The following ZNF705A variants were observed in gnomAD, a reference collection of about 807,000 sequenced individuals.
ZNF705A encodes the protein zinc finger protein 705A.
A neutral mutation model predicts 16.6 loss-of-function variants in ZNF705A; 8 were observed. The observed-to-expected ratio is 0.48, with a 90% CI of 0.28 to 0.87. ZNF705A has a LOEUF of 0.87. ZNF705A is among the 40% of genes least tolerant of loss of function. The probability of loss-of-function intolerance (pLI) is 0.10; values close to 1 mark genes in which losing one functional copy is unlikely to be tolerated. For synonymous variants in ZNF705A, 73 were observed against 117.3 expected (o/e 0.62, Z 2.44); for missense variants, 233 against 359.9 (o/e 0.65, Z 2.85).
At chr12:8,167,337 G>T (rs1948407704) in intron 1 of ZNF705A, among the ~76,000 whole-genome samples, 1 of 152,136 alleles carries the variant, frequency 6.6e-6, no homozygotes, top group South Asian at 2.1e-4. Context: ...TTGTGTGAGG[G>T]TTTTTAGTAG....
intron 1 of ZNF705A, among the ~76,000 whole-genome samples, chr12:8,158,684 A>T (rs1357309593): frequency 2.6e-5 from 4 of 152,126 alleles, no homozygotes; most frequent in Non-Finnish European, 5.9e-5. Context: ...TCAAATGGCA[A>T]TTGTAAGTGT....
exon 5 of ZNF705A, chr12:8,177,856 C>CAGTTACCTT (rs1948498952): frequency 1.8e-6 from 1 of 565,804 alleles, no homozygotes; most frequent in African/African-American, 1.9e-5. Flanking sequence ...GAAGATACTT[C>CAGTTACCTT]AGTTACCTTT....
At chr12:8,170,515 CT>C (rs1262040392), upstream of ZNF705A, among the ~76,000 whole-genome samples, 1 of 147,732 alleles carries the variant, frequency 6.8e-6, no homozygotes, top group Non-Finnish European at 1.5e-5. Flanking sequence ...CTTTTTGTCC[CT>C]GGCACAGTCT....
At chr12:8,166,460 AGTCT>A (rs1341120279) in intron 1 of ZNF705A, among the ~76,000 whole-genome samples, 5 of 152,222 alleles carry the variant, frequency 3.3e-5, no homozygotes, top group African/African-American at 1.2e-4. Flanking sequence ...GTAGTGAATA[AGTCT>A]CACAAGTTCT....
At chr12:8,177,022 T>A (rs1948489364) in exon 5 of ZNF705A, 2 of 1,610,986 alleles carry the variant, frequency 1.2e-6, no homozygotes, top group Non-Finnish European at 1.7e-6. Flanking sequence ...TTCTGGAGGA[T>A]CCTTTTGAAT....
upstream of ZNF705A, among the ~76,000 whole-genome samples, chr12:8,171,094 T>G (rs1212497894): frequency 6.6e-6 from 1 of 152,266 alleles, no homozygotes; most frequent in East Asian, 1.9e-4. Flanking sequence ...GTTGATCATT[T>G]ATTAAATTGG....
chr12:8,158,323 T>A (rs144944409), intron 1 of ZNF705A, among the ~76,000 whole-genome samples: 509 of 152,262 alleles, frequency 3.3e-3, no homozygotes, highest in Non-Finnish European at 6.0e-3. Flanking sequence ...CAAACAACCA[T>A]TGAGCTGTTC....
chr12:8,167,554 A>G (rs1948409718), upstream of ZNF705A, among the ~76,000 whole-genome samples: 1 of 152,162 alleles, frequency 6.6e-6, no homozygotes, highest in South Asian at 2.1e-4. Context: ...ACCTTGGGGA[A>G]AGAGAGTCTT....
At chr12:8,158,214 A>C (rs529549070) in intron 1 of ZNF705A, among the ~76,000 whole-genome samples, 1 of 151,966 alleles carries the variant, frequency 6.6e-6, no homozygotes, top group African/African-American at 2.4e-5. Context: ...TTCTCAGATA[A>C]TTTTTCTTTC....
chr12:8,170,997 A>G (rs1351453194), upstream of ZNF705A, among the ~76,000 whole-genome samples: 1 of 152,208 alleles, frequency 6.6e-6, no homozygotes, highest in African/African-American at 2.4e-5. Context: ...TCAAAAAGCA[A>G]GAAGAGGCAG....
chr12:8,176,028 T>A (rs928548776), intron 4 of ZNF705A, 86 bp downstream of exon 5: 43 of 1,583,938 alleles, frequency 2.7e-5, no homozygotes, highest in Non-Finnish European at 3.3e-5. Context: ...ATCACCTGAG[T>A]GTAATTAGGC....
upstream of ZNF705A, among the ~76,000 whole-genome samples, chr12:8,171,881 CA>C (rs921702363): frequency 6.6e-6 from 1 of 152,136 alleles, no homozygotes; most frequent in Non-Finnish European, 1.5e-5. Context: ...GGATTACAGG[CA>C]AGCACCACCA....
intron 1 of ZNF705A, among the ~76,000 whole-genome samples, chr12:8,161,684 A>G (rs1948356741): frequency 6.6e-6 from 1 of 152,094 alleles, no homozygotes; most frequent in African/African-American, 2.4e-5. Context: ...TAAAACATCT[A>G]TTAGTAACTG....
exon 5 of ZNF705A, chr12:8,177,251 A>G (rs1235022208): frequency 1.2e-6 from 2 of 1,611,780 alleles, no homozygotes; most frequent in Non-Finnish European, 1.7e-6. Context: ...TAGACGGCAC[A>G]AGATGACTCA....
At chr12:8,178,503 C>T (rs1948504322) in exon 5 of ZNF705A, 1 of 152,298 alleles carries the variant, frequency 6.6e-6, no homozygotes, top group Non-Finnish European at 1.5e-5. Flanking sequence ...TTGAAAATCA[C>T]TGTGGAGAAA....
chr12:8,166,778 G>A (rs1464525536), intron 1 of ZNF705A, among the ~76,000 whole-genome samples: 3 of 152,264 alleles, frequency 2.0e-5, no homozygotes, highest in African/African-American at 7.2e-5. Context: ...TGGAGCTGGA[G>A]TGGCTGAGAC....
At chr12:8,167,814 C>A (rs1037213616), upstream of ZNF705A, among the ~76,000 whole-genome samples, 1 of 152,070 alleles carries the variant, frequency 6.6e-6, no homozygotes, top group Non-Finnish European at 1.5e-5. Flanking sequence ...AGAGACTGAG[C>A]GCTAAGTTTC....
intron 1 of ZNF705A, among the ~76,000 whole-genome samples, chr12:8,165,849 A>AT (rs1156561590): frequency 2.6e-5 from 4 of 152,062 alleles, no homozygotes; most frequent in Admixed American, 6.6e-5. Context: ...AAAGGACATA[A>AT]TTTTTTTACA....
chr12:8,157,186 T>A, intron 1 of ZNF705A, 94 bp downstream of exon 1: 1 of 395,080 alleles, frequency 2.5e-6, no homozygotes, highest in Non-Finnish European at 4.5e-6. Flanking sequence ...TAAGTCCTGC[T>A]GCTTCAACTG....
Sources: allele counts gnomAD v4.1 joint callset (sites outside exome capture counted in the v4.1 genomes callset), GRCh38; gene constraint gnomAD v4.1.1; transcripts MANE v1.5; gene names NCBI Gene and HGNC (gene_info 2026-07-23, HGNC 2026-07-21).